The following CELF2 variants were observed in gnomAD, a reference collection of about 807,000 sequenced individuals.
CELF2 encodes the protein CUG triplet repeat RNA-binding protein 2.
In CELF2, 8 loss-of-function variants were observed where a neutral mutation model predicts 62.6. The observed-to-expected ratio is 0.13, with a 90% CI of 0.07 to 0.23. CELF2 has a LOEUF of 0.23. Among genes scored for constraint, CELF2 ranks in the 10% least tolerant of loss-of-function variants. CELF2 has a pLI of 1.00. For synonymous variants in CELF2, 258 were observed against 250.0 expected, an observed-to-expected ratio of 1.03 and a Z score of -0.30; for missense variants, 333 against 671.0, an observed-to-expected ratio of 0.50 and a Z score of 5.56.
intron 1 of CELF2, among the ~76,000 whole-genome samples, chr10:10,881,732 C>T (rs910552287): frequency 8.6e-5 from 12 of 139,674 alleles, no homozygotes; most frequent in Admixed American, 3.7e-4. Context: ...AGAGTCCACC[C>T]GGTGCTGCTA....
chr10:10,735,540 G>A, the CELF2 span, among the ~76,000 whole-genome samples: 6 of 152,134 alleles, frequency 3.9e-5, no homozygotes, highest in East Asian at 3.8e-4. Flanking sequence ...ACAGGACGTC[G>A]AGAAACAAAA....
intron 1 of CELF2, among the ~76,000 whole-genome samples, chr10:11,051,312 T>C (rs963159030): frequency 2.6e-5 from 4 of 152,228 alleles, no homozygotes; most frequent in Non-Finnish European, 5.9e-5. Flanking sequence ...CTTGAAATGC[T>C]TCCTTACATG....
chr10:10,963,293 G>A (rs2049751885), intron 2 of CELF2, among the ~76,000 whole-genome samples: 1 of 152,056 alleles, frequency 6.6e-6, no homozygotes, highest in Non-Finnish European at 1.5e-5. Flanking sequence ...GACCTCAAGT[G>A]ATCCACCCAC....
intron 1 of CELF2, among the ~76,000 whole-genome samples, chr10:11,140,647 C>T (rs549126449): frequency 2.0e-5 from 3 of 152,172 alleles, no homozygotes; most frequent in East Asian, 3.9e-4. Context: ...TTATAAATTT[C>T]GCTATTTAAG....
the CELF2 span, among the ~76,000 whole-genome samples, chr10:10,720,087 A>G: frequency 6.6e-6 from 1 of 152,180 alleles, no homozygotes; most frequent in Non-Finnish European, 1.5e-5. Flanking sequence ...GAGGAGAGGA[A>G]GGGCAGACAG....
rs1407189613 is a variant in CELF2 at position 11,332,243 on chromosome 10, C to A, written c.*3190C>A. 4 of 152,184 alleles carry A rather than the reference C, an allele frequency of 2.6e-5. No homozygotes were observed. Among genetic ancestry groups the A allele is most frequent in the Non-Finnish European group, 5.9e-5 (4 of 68,030 alleles). 9.4% of individuals were successfully genotyped at this position (152,184 alleles called of 1,614,324 possible). A position where few individuals can be genotyped will look rare whatever the true frequency, so the allele number is the denominator to read the frequency against. On this transcript the variant is annotated 3_prime_UTR_variant, in exon 13 of 13. Transcript: ENST00000633077. ...GCTATGTCCTAGTCTAGAATATTTT[C>A]ATATACCTTGCAGTAAAACGACTTT...
chr10:10,954,069 T>C (rs2048613193), intron 2 of CELF2, among the ~76,000 whole-genome samples: 1 of 151,860 alleles, frequency 6.6e-6, no homozygotes, highest in Non-Finnish European at 1.5e-5. Flanking sequence ...GTGATACCAC[T>C]TTTTGATGAT....
chr10:10,493,425 A>C, the CELF2 span, among the ~76,000 whole-genome samples: 257 of 152,190 alleles, frequency 1.7e-3, no homozygotes, highest in African/African-American at 5.7e-3. Context: ...AATGGTCAAA[A>C]TGGTAAATTT....
rs66721705 is a variant in CELF2 at position 10,828,000 on chromosome 10, TAAAAAAAAAAAAA to T, written c.53+29195_53+29207del. ...TCATACCCGTCAGGAAGGCTAGTCT[TAAAAAAAAAAAAA>T]AAAAAAAAAAAGCAGAAAATAACAA... On this transcript the variant is annotated intron_variant, in intron 1 of 13. Transcript: ENST00000636488. Among the ~76,000 whole-genome samples the T allele has an allele frequency of 4.1e-3, 246 of 60,726 alleles. 4 individuals are homozygous for T. Among genetic ancestry groups the T allele is most frequent in the African/African-American group, 0.016 (237 of 14,928 alleles). 39.8% of individuals were successfully genotyped at this position (60,726 alleles called of 152,430 possible).
At chr10:10,792,531 TGTAAGC>T in the CELF2 span, 13 of 397,846 alleles carry the variant, frequency 3.3e-5, no homozygotes, top group Non-Finnish European at 5.8e-5. Flanking sequence ...GAGTCCTGTT[TGTAAGC>T]ACACAAAAAC....
At chr10:11,018,260 C>A (rs541453948) in intron 1 of CELF2, 97 bp downstream of exon 1, 4 of 1,031,608 alleles carry the variant, frequency 3.9e-6, no homozygotes, top group African/African-American at 3.4e-5. Flanking sequence ...CTCCCGGGCG[C>A]GACTCGGCCG....
chr10:11,059,143 T>A (rs146101222), intron 1 of CELF2, among the ~76,000 whole-genome samples: 2 of 152,292 alleles, frequency 1.3e-5, no homozygotes, highest in East Asian at 3.9e-4. Context: ...TTCAGCGCCC[T>A]CCACTAGTAA....
intron 8 of CELF2, 150 bp downstream of exon 8, chr10:11,275,270 G>A (rs2085593773): frequency 5.0e-6 from 4 of 798,606 alleles, no homozygotes; most frequent in South Asian, 3.2e-5. Flanking sequence ...CGTTGGAACC[G>A]CCTGCTCTGA....
At chr10:11,015,025 G>A (rs1390018437), upstream of CELF2, among the ~76,000 whole-genome samples, 1 of 152,238 alleles carries the variant, frequency 6.6e-6, no homozygotes, top group Non-Finnish European at 1.5e-5. This position sits in a 1 kb window ranked among gnomAD's most constrained non-coding sequence, Gnocchi z 4.8. Context: ...AGCTGATGGC[G>A]TCGTCCCCTC....
chr10:11,277,012 A>G lies in CELF2; in HGVS notation c.841+1892A>G, dbSNP rs527669084. Among the ~76,000 whole-genome samples, 7 of 152,328 alleles carry G rather than the reference A, an allele frequency of 4.6e-5. No individual in the cohort carries two copies. In the East Asian group the frequency reaches 1.3e-3, roughly 29 times the overall value. On this transcript the variant is annotated intron_variant, in intron 8 of 12. Coordinates refer to ENST00000633077, the MANE Select transcript of CELF2 (RefSeq NM_001326342.2). ...GAAATTCAGCACACTAAGTCCTCACAGGCTAGGAAATCAAATGCTGGACAG... is the reference window on the plus strand; with the variant it reads ...GAAATTCAGCACACTAAGTCCTCACGGGCTAGGAAATCAAATGCTGGACAG...
chr10:10,739,535 T>C, the CELF2 span, among the ~76,000 whole-genome samples: 1 of 152,236 alleles, frequency 6.6e-6, no homozygotes, highest in Non-Finnish European at 1.5e-5. Context: ...ATAATGTTAG[T>C]ATCTTACATA....
Position 11,302,380 on chromosome 10 carries a change from A to G in CELF2, c.977-11759A>G, listed in dbSNP as rs982405472. 6.6e-6 allele frequency among the ~76,000 whole-genome samples: 1 copy of G among 152,162 alleles called. No individual in the cohort carries two copies. Among genetic ancestry groups the G allele is most frequent in the Non-Finnish European group, 1.5e-5 (1 of 68,014 alleles). ...TCAACTCAGATGCCCAAGCCCCACA[A>G]CCAGAGCGTCTGACTCAGCGGGAGT... On this transcript the variant is annotated intron_variant, in intron 9 of 12. Transcript: ENST00000633077. The surrounding 1 kb of genome is among the most constrained non-coding windows in gnomAD (Gnocchi z 5.0).
the CELF2 span, among the ~76,000 whole-genome samples, chr10:10,681,479 GTCC>G: frequency 2.0e-5 from 3 of 152,246 alleles, no homozygotes; most frequent in African/African-American, 7.2e-5. Flanking sequence ...CTCACCTACT[GTCC>G]TCATAGAGTG....
At chr10:11,074,778 A>C (rs796208220) in intron 1 of CELF2, among the ~76,000 whole-genome samples, 10 of 152,324 alleles carry the variant, frequency 6.6e-5, no homozygotes, top group African/African-American at 2.2e-4. Context: ...GCACATGGAC[A>C]CAGCTCTATT....
Sources: gnomAD v4.1 joint callset for allele counts (sites outside exome capture counted in the v4.1 genomes callset) on GRCh38, gnomAD v4.1.1 for gene constraint, Gnocchi (gnomAD v3.1) non-coding constraint, MANE v1.5 for transcripts, NCBI Gene and HGNC (gene_info 2026-07-23, HGNC 2026-07-21) for gene names.